Variants in POC1A observed in about 807,000 individuals in gnomAD.
POC1A encodes POC1 centriolar protein homolog A.
In POC1A, 34 loss-of-function variants were observed where a neutral mutation model predicts 47.8. The observed-to-expected ratio is 0.71, with a 90% CI of 0.54 to 0.95. The LOEUF (loss-of-function observed/expected upper bound fraction) is 0.95. POC1A is among the 40% of genes least tolerant of loss of function. The pLI, the probability that POC1A is intolerant of heterozygous loss-of-function variation, is 0.00. For synonymous variants in POC1A, 177 were observed against 207.6 expected, an observed-to-expected ratio of 0.85 and a Z score of 1.27; for missense variants, 466 against 528.3, an observed-to-expected ratio of 0.88 and a Z score of 1.16.
intron 9 of POC1A, among the ~76,000 whole-genome samples, chr3:52,116,571 GA>G (rs1188553773): frequency 6.6e-6 from 1 of 152,154 alleles, no homozygotes; most frequent in Non-Finnish European, 1.5e-5. Flanking sequence ...ACACAATTTT[GA>G]TGCCTGCAAG....
In POC1A at chr3:52,131,024, G is replaced by A. The variant is rs368708343; in HGVS notation, c.814-5843C>T. Among the ~76,000 whole-genome samples, 147 of 152,160 alleles carry A rather than the reference G, an allele frequency of 9.7e-4. 2 individuals are homozygous for A. The highest frequency in any genetic ancestry group is 3.4e-3 in the African/African-American group (140 of 41,512). On this transcript the variant is annotated intron_variant, in intron 7 of 10. Coordinates refer to ENST00000296484, the MANE Select transcript of POC1A (RefSeq NM_015426.5). ...GGCTGCTCACCCACACGGGGTCGGG[G>A]GGAGGGTGGCGGGGGCGCATGGCAC...
At chr3:52,105,542 G>A (rs1703147385) in intron 9 of POC1A, among the ~76,000 whole-genome samples, 1 of 152,186 alleles carries the variant, frequency 6.6e-6, no homozygotes, top group Non-Finnish European at 1.5e-5. Flanking sequence ...CTTCTCAAGA[G>A]GAAAGGCACG....
At chr3:52,123,428 G>A (rs1311440847) in intron 8 of POC1A, among the ~76,000 whole-genome samples, 1 of 151,758 alleles carries the variant, frequency 6.6e-6, no homozygotes, top group East Asian at 1.9e-4. Context: ...TGAGGCCACA[G>A]AAAAACCACC....
chr3:52,130,153 A>AT (rs1704159263), intron 7 of POC1A, among the ~76,000 whole-genome samples: 1 of 152,186 alleles, frequency 6.6e-6, no homozygotes, highest in African/African-American at 2.4e-5. Flanking sequence ...GTTGCAAAAT[A>AT]TTTTGTGTTG....
intron 10 of POC1A, among the ~76,000 whole-genome samples, chr3:52,094,057 CA>C (rs994075949): frequency 2.8e-4 from 43 of 152,300 alleles, no homozygotes; most frequent in African/African-American, 1.0e-3. Context: ...GCTTCCCTCT[CA>C]AAGGCCACTC....
intron 9 of POC1A, among the ~76,000 whole-genome samples, chr3:52,104,214 C>T (rs1423592966): frequency 6.6e-6 from 1 of 152,098 alleles, no homozygotes; most frequent in Admixed American, 6.5e-5. Flanking sequence ...AGAAACCAGA[C>T]CAAAAAGAAT....
chr3:52,110,318 C>T (rs907497163), intron 9 of POC1A, among the ~76,000 whole-genome samples: 1 of 152,126 alleles, frequency 6.6e-6, no homozygotes. Flanking sequence ...CACCAGCTGC[C>T]AGCCTCCCAA....
At chr3:52,141,454 G>A (rs1426220558) in intron 6 of POC1A, among the ~76,000 whole-genome samples, 1 of 152,230 alleles carries the variant, frequency 6.6e-6, no homozygotes, top group Non-Finnish European at 1.5e-5. Flanking sequence ...TGTTACTAGT[G>A]ACACGGTGGC....
In POC1A at chr3:52,079,076, G is replaced by A. The variant is rs915824368; in HGVS notation, c.1126-3091C>T. Among the ~76,000 whole-genome samples, 5 of 152,234 alleles carry A rather than the reference G, an allele frequency of 3.3e-5. No individual in the cohort carries two copies. Among genetic ancestry groups the A allele is most frequent in the Non-Finnish European group, 7.3e-5 (5 of 68,032 alleles). On this transcript the variant is annotated intron_variant, in intron 10 of 10. Coordinates refer to ENST00000296484, the MANE Select transcript of POC1A (RefSeq NM_015426.5). This position sits in a 1 kb window ranked among gnomAD's most constrained non-coding sequence, Gnocchi z 4.6. ...AGGAGGGCAGGAGAGCATCTGAGGTGGCAGAAGGGGTGTGTGGGGAGTACC... is the reference window on the plus strand; with the variant it reads ...AGGAGGGCAGGAGAGCATCTGAGGTAGCAGAAGGGGTGTGTGGGGAGTACC...
chr3:52,110,398 G>A (rs1000205049), intron 9 of POC1A, among the ~76,000 whole-genome samples: 1 of 152,208 alleles, frequency 6.6e-6, no homozygotes. Context: ...ACTAGGAGCA[G>A]TGAATGGTGG....
chr3:52,148,810 T>C (rs1486401903), intron 4 of POC1A, among the ~76,000 whole-genome samples: 1 of 152,236 alleles, frequency 6.6e-6, no homozygotes, highest in South Asian at 2.1e-4. Flanking sequence ...TGAGCCCCCA[T>C]TTCCTCATCT....
At chr3:52,076,060 C>T (rs1177721172) in intron 10 of POC1A, 75 bp from the exon 11 acceptor site, 2 of 1,146,662 alleles carry the variant, frequency 1.7e-6, no homozygotes, top group African/African-American at 1.5e-5. Context: ...TTGGCCAGTC[C>T]CCACTTGGCT....
chr3:52,149,200 C>A lies in POC1A; in HGVS notation c.455+10G>T. 6.2e-7 allele frequency: 1 copy of A among 1,613,784 alleles called. No individual in the cohort carries two copies. The highest frequency in any genetic ancestry group is 8.5e-7 in the Non-Finnish European group (1 of 1,179,810). On this transcript the variant is annotated intron_variant, in intron 4 of 10. Transcript: ENST00000296484. Reference sequence around the variant, plus strand: ...TTCCTCCAAGGGTCTCCAGACAGAACAATGCTCACTTGGCACAGCGGACCC... The same window carrying A: ...TTCCTCCAAGGGTCTCCAGACAGAAAAATGCTCACTTGGCACAGCGGACCC...
intron 6 of POC1A, among the ~76,000 whole-genome samples, 159 bp downstream of exon 6, chr3:52,145,687 G>A (rs1002907568): frequency 5.3e-4 from 81 of 152,182 alleles, no homozygotes; most frequent in Admixed American, 1.3e-4. Context: ...GGCCAGCCAT[G>A]CCACAGACTC....
In POC1A at chr3:52,084,915, C is replaced by T. The variant is rs756873899; in HGVS notation, c.1126-8930G>A. Among the ~76,000 whole-genome samples, 1 of 152,244 alleles carries T rather than the reference C, an allele frequency of 6.6e-6. No homozygotes were observed. The highest frequency in any genetic ancestry group is 1.5e-5 in the Non-Finnish European group (1 of 68,038). ...GCCAACATCCAGGCATGTGTCCCAC[C>T]AAGCACTCTGCCTGGGCTGGGGACA... On this transcript the variant is annotated intron_variant, in intron 10 of 10. Coordinates refer to ENST00000296484, the MANE Select transcript of POC1A (RefSeq NM_015426.5). The surrounding 1 kb of genome is among the most constrained non-coding windows in gnomAD (Gnocchi z 4.3).
chr3:52,131,250 C>T (rs544273344), intron 7 of POC1A, among the ~76,000 whole-genome samples: 7 of 152,278 alleles, frequency 4.6e-5, no homozygotes, highest in Admixed American at 4.6e-4. Context: ...CTGCCCCCCA[C>T]GCTTGCCACA....
chr3:52,150,804 C>A (rs1413640327), intron 2 of POC1A, among the ~76,000 whole-genome samples: 1 of 152,100 alleles, frequency 6.6e-6, no homozygotes, highest in Non-Finnish European at 1.5e-5. Context: ...TTAGCAAGGC[C>A]CCTAACCTCT....
rs564287398 is a variant in POC1A, at chr3:52,151,403, T to C, written c.19-303A>G. 4.6e-5 allele frequency among the ~76,000 whole-genome samples: 7 copies of C among 152,120 alleles called. No homozygotes were observed. In the East Asian group the frequency reaches 1.4e-3, roughly 29 times the overall value. On this transcript the variant is annotated intron_variant, in intron 1 of 10. Coordinates refer to ENST00000296484, the MANE Select transcript of POC1A (RefSeq NM_015426.5). ...CAATTGTCTTTCTGTACACTAGCAA[T>C]GAATAATCCAAAAAATAAAACTATT...
intron 9 of POC1A, among the ~76,000 whole-genome samples, chr3:52,100,213 C>T (rs956024032): frequency 5.3e-5 from 8 of 152,184 alleles, no homozygotes; most frequent in Admixed American, 2.0e-4. Context: ...GCTACCCAGA[C>T]ACATGAGGAA....
Sources: gnomAD v4.1 joint callset for allele counts (sites outside exome capture counted in the v4.1 genomes callset) on GRCh38, gnomAD v4.1.1 for gene constraint, Gnocchi (gnomAD v3.1) non-coding constraint, MANE v1.5 for transcripts, NCBI Gene and HGNC (gene_info 2026-07-23, HGNC 2026-07-21) for gene names.